The following CDKL5 variants were observed in gnomAD, a reference collection of about 807,000 sequenced individuals.
CDKL5 encodes cyclin-dependent kinase-like 5.
In CDKL5, 8 loss-of-function variants were observed where a neutral mutation model predicts 61.7. That is an observed-to-expected ratio of 0.13 (90% CI 0.08 to 0.23). The LOEUF is 0.23. Ranked by LOEUF, CDKL5 falls within the 10% of genes least tolerant of loss-of-function variation. CDKL5 has a pLI of 1.00. For missense variants in CDKL5, 440 were observed against 734.5 expected (o/e 0.60, Z 4.63); for synonymous variants, 275 against 272.3 (o/e 1.01, Z -0.10).
intron 9 of CDKL5, 45 bp downstream of exon 9, chrX:18,588,188 A>G: frequency 1.1e-5 from 11 of 975,853 alleles, no homozygotes; most frequent in Non-Finnish European, 1.5e-5. Context: ...ATACTGCAGT[A>G]TTTGAGTCAT....
chrX:18,484,000 C>A (rs115552609), intron 1 of CDKL5, among the ~76,000 whole-genome samples: 2,724 of 111,603 alleles, frequency 0.024, 85 homozygotes, highest in African/African-American at 0.084. Context: ...GATTTTCCCA[C>A]TTACTCTATT....
intron 3 of CDKL5, among the ~76,000 whole-genome samples, chrX:18,541,188 C>A (rs1924010837): frequency 8.9e-6 from 1 of 111,969 alleles, no homozygotes; most frequent in Non-Finnish European, 1.9e-5. Context: ...GTTTGCTTAG[C>A]TGCATGAATC....
At chrX:18,457,628 T>A in intron 1 of CDKL5, 1 of 110,806 alleles carries the variant, frequency 9.0e-6, no homozygotes, top group Admixed American at 9.8e-5. Flanking sequence ...GTTTGTTTGT[T>A]TTTTTTTGAC....
In CDKL5 at chrX:18,604,816, T is replaced by C. The variant is rs144878564; in HGVS notation, c.1892T>C (p.Ile631Thr). Reference sequence around the variant, plus strand: ...AAGGGCTTGGATGGAAGCTTGAGCATAGGGCAAGGGATGGCAGCTAGAGCC... The same window carrying C: ...AAGGGCTTGGATGGAAGCTTGAGCACAGGGCAAGGGATGGCAGCTAGAGCC... ...RAKGLDGSLSIGQGMAARANS... is the reference protein window; with the variant it reads ...RAKGLDGSLSTGQGMAARANS... Residue 631 changes from isoleucine (I) to threonine (T), a missense_variant, in exon 12 of 18, where the codon ATA becomes ACA. Physicochemically the swap from Ile to Thr is moderately conservative, Grantham distance 89. Around this residue, in one of 2 missense-constraint regions of CDKL5, gnomAD observed 363 missense variants for 516.3 expected, o/e 0.70. Coordinates refer to ENST00000623535, the MANE Select transcript of CDKL5 (RefSeq NM_001323289.2). 30 of 1,209,621 alleles carry C rather than the reference T, an allele frequency of 2.5e-5. No homozygotes were observed. The African/African-American group carries it at 4.6e-4, about 18-fold the overall frequency.
At chrX:18,459,683 C>T (rs1008758279) in intron 1 of CDKL5, among the ~76,000 whole-genome samples, 3 of 104,025 alleles carry the variant, frequency 2.9e-5, no homozygotes, top group Non-Finnish European at 5.9e-5. Context: ...GGGGAGGCCT[C>T]AGGAAGCTTT....
rs774307489 is a variant in CDKL5, at chrX:18,609,485, A to G, written c.2067A>G (p.Pro689=). The G allele has an allele frequency of 5.8e-6, 7 of 1,211,916 alleles. No individual in the cohort carries two copies. The Admixed American group carries it at 1.5e-4, about 26-fold the overall frequency. The change falls in exon 14 of 18, where the codon CCA becomes CCG. Residue 689 remains proline, a synonymous_variant. Coordinates refer to ENST00000623535, the MANE Select transcript of CDKL5 (RefSeq NM_001323289.2). Reference sequence around the variant, plus strand: ...CTCAGGGTGGAGTGTATCATGACCCACACTCTGATGATGGCACAGCCCCCA... The same window carrying G: ...CTCAGGGTGGAGTGTATCATGACCCGCACTCTGATGATGGCACAGCCCCCA... The part of the protein sequence containing the change: ...QKSEGGVYHD[P]HSDDGTAPKE...
intron 1 of CDKL5, among the ~76,000 whole-genome samples, chrX:18,490,801 A>G (rs1330633939): frequency 8.9e-6 from 1 of 112,122 alleles, no homozygotes; most frequent in African/African-American, 3.2e-5. Flanking sequence ...ACCCTTCTGA[A>G]GTTAGCAGCA....
intron 1 of CDKL5, among the ~76,000 whole-genome samples, chrX:18,465,289 C>T (rs1299040634): frequency 9.0e-6 from 1 of 111,591 alleles, no homozygotes; most frequent in African/African-American, 3.3e-5. Context: ...TATAATATGT[C>T]CTAATCCAGA....
chrX:18,477,101 T>C (rs369278833), intron 1 of CDKL5, among the ~76,000 whole-genome samples: 1 of 109,115 alleles, frequency 9.2e-6, no homozygotes, highest in Admixed American at 9.8e-5. Flanking sequence ...ATTTTTATTA[T>C]TATTTTTTGA....
intron 3 of CDKL5, among the ~76,000 whole-genome samples, chrX:18,550,552 A>G (rs1326016128): frequency 8.9e-6 from 1 of 112,368 alleles, no homozygotes; most frequent in African/African-American, 3.2e-5. Context: ...AGTGAGCTAT[A>G]AATTACTGTT....
chrX:18,623,014 A>G (rs1474539356), intron 16 of CDKL5, among the ~76,000 whole-genome samples: 1 of 112,082 alleles, frequency 8.9e-6, no homozygotes, highest in African/African-American at 3.2e-5. Context: ...CAATTGAGAT[A>G]TCCAAAACAG....
At position 18,501,194 on chromosome X, in the gene CDKL5, C is replaced by T. The variant is rs12010013; in HGVS notation, c.-162-5741C>T. On this transcript the variant is annotated intron_variant, in intron 1 of 17. Transcript: ENST00000623535. ...TGTTTGTTTGTTTTTGTTTTTGAGA[C>T]GGAGTTTTCACTCTTGTCATCCAGG... 4.3e-3 allele frequency among the ~76,000 whole-genome samples: 473 copies of T among 110,796 alleles called. 2 individuals carry two copies. Among genetic ancestry groups the T allele is most frequent in the African/African-American group, 0.014 (440 of 30,473 alleles).
rs767825838 is a variant in CDKL5 at position 18,604,727 on chromosome X, C to T, written c.1803C>T (p.Pro601=). 8.3e-7 allele frequency: 1 copy of T among 1,211,938 alleles called. No individual in the cohort carries two copies. Among genetic ancestry groups the T allele is most frequent in the Admixed American group, 2.2e-5 (1 of 46,082 alleles). ...SFSYGLGYTS[P]FSSQQRPHRH... ...CTTATGGACTGGGCTACACCAGCCC[C>T]TTTTCTTCCCAGCAACGTCCTCATA... The change falls in exon 12 of 18, where the codon CCC becomes CCT. Residue 601 remains proline (P), a synonymous_variant. Transcript: ENST00000623535.
intron 11 of CDKL5, among the ~76,000 whole-genome samples, chrX:18,599,387 A>C (rs1038424199): frequency 8.9e-6 from 1 of 112,409 alleles, no homozygotes; most frequent in Non-Finnish European, 1.9e-5. Context: ...TGGATTATGG[A>C]AGATAGGAAA....
downstream of CDKL5, chrX:18,644,630 C>G (rs773769605): frequency 5.0e-6 from 6 of 1,209,182 alleles, no homozygotes; most frequent in Non-Finnish European, 6.7e-6. Flanking sequence ...GCACACCTGC[C>G]GAGAACATAC....
intron 1 of CDKL5, among the ~76,000 whole-genome samples, chrX:18,472,224 A>C (rs1467209254): frequency 8.9e-6 from 1 of 111,876 alleles, no homozygotes; most frequent in African/African-American, 3.2e-5. Context: ...TCATTTCCTG[A>C]TGGTATTTAC....
chrX:18,560,232 A>G (rs977033058), intron 3 of CDKL5, among the ~76,000 whole-genome samples: 6 of 111,853 alleles, frequency 5.4e-5, no homozygotes, highest in Non-Finnish European at 1.1e-4. Context: ...TGGTTGAACT[A>G]GTTTACAGTC....
At chrX:18,649,396 C>T (rs1487261965) in intron 20 of CDKL5, among the ~76,000 whole-genome samples, 1 of 111,435 alleles carries the variant, frequency 9.0e-6, no homozygotes, top group Non-Finnish European at 1.9e-5. Context: ...GCAATTAAGG[C>T]AAATCATAGT....
chrX:18,651,264 T>TGTGTGTGTGTGTGAGAGA (rs1491242962), intron 21 of CDKL5, among the ~76,000 whole-genome samples: 5 of 69,012 alleles, frequency 7.2e-5, no homozygotes, highest in African/African-American at 3.1e-4. Context: ...TGTGTGTGTG[T>TGTGTGTGTGTGTGAGAGA]GAGAGAGAGA....
Sources: gnomAD v4.1 joint callset for allele counts (sites outside exome capture counted in the v4.1 genomes callset) on GRCh38, gnomAD v4.1.1 for gene constraint, gnomAD v4.1.1 regional missense constraint, MANE v1.5 for transcripts, NCBI Gene and HGNC (gene_info 2026-07-23, HGNC 2026-07-21) for gene names.